The following ADGRL1 variants were observed in gnomAD, a reference collection of about 807,000 sequenced individuals.
ADGRL1 encodes adhesion G protein-coupled receptor L1, also known as CIRL-1.
Under a neutral mutation model 148.9 loss-of-function variants are expected in ADGRL1, and 31 were observed. That is an observed-to-expected ratio of 0.21 (90% CI 0.16 to 0.28). The LOEUF (loss-of-function observed/expected upper bound fraction) is 0.28, where lower values mean the gene tolerates loss of function less well. Ranked by LOEUF, ADGRL1 falls within the 10% of genes least tolerant of loss-of-function variation. The probability of loss-of-function intolerance (pLI) is 1.00; values close to 1 mark genes in which losing one functional copy is unlikely to be tolerated. For missense variants in ADGRL1, 1,521 were observed against 2,058.8 expected (o/e 0.74, Z 5.05); for synonymous variants, 937 against 900.3 (o/e 1.04, Z -0.73).
At chr19:14,197,805 C>T (rs1972357039) in intron 1 of ADGRL1, among the ~76,000 whole-genome samples, 1 of 152,148 alleles carries the variant, frequency 6.6e-6, no homozygotes, top group African/African-American at 2.4e-5. Flanking sequence ...ATACCCAACC[C>T]TGGGCAAGGA....
At chr19:14,202,801 G>C (rs1972701623) in intron 1 of ADGRL1, among the ~76,000 whole-genome samples, 1 of 152,058 alleles carries the variant, frequency 6.6e-6, no homozygotes, top group South Asian at 2.1e-4. Flanking sequence ...TTGCAGCCCT[G>C]CCTCCCCCAG....
rs377610821 is a variant in ADGRL1 at position 14,153,958 on chromosome 19, T to TA, written c.3295-1047dup. On this transcript the variant is annotated intron_variant, in intron 18 of 22. Transcript: ENST00000361434. Reference sequence around the variant, plus strand: ...TCTGTCTCAAAAATAATAATGATAATAAAAAAAAAACCTAAAAAAATAAAT... The same window carrying TA: ...TCTGTCTCAAAAATAATAATGATAATAAAAAAAAAAACCTAAAAAAATAAAT... 1.4e-3 allele frequency among the ~76,000 whole-genome samples: 202 copies of TA among 142,904 alleles called. 2 individuals carry two copies. The highest frequency in any genetic ancestry group is 4.3e-3 in the African/African-American group (165 of 38,726). The allele number at this position is 142,904 out of a possible 152,430, so 93.8% of individuals were successfully genotyped here. A position where few individuals can be genotyped will look rare whatever the true frequency, so the allele number is the denominator to read the frequency against.
rs1359702069 is a variant in ADGRL1 at position 14,159,998 on chromosome 19, G to A, written c.1800+114C>T. The A allele has an allele frequency of 8.4e-7, 1 of 1,194,242 alleles. No homozygotes were observed. Among genetic ancestry groups the A allele is most frequent in the Non-Finnish European group, 1.2e-6 (1 of 861,524 alleles). 74.0% of individuals were successfully genotyped at this position (1,194,242 alleles called of 1,614,324 possible). A position where few individuals can be genotyped will look rare whatever the true frequency, so the allele number is the denominator to read the frequency against. ...GGAGAGGGGGGGGTCCTTCCTCTCT[G>A]AGGAAAGGAGTGGAGGTGGCAGCCT... On this transcript the variant is annotated intron_variant, in intron 8 of 22. Transcript: ENST00000361434. This position sits in a 1 kb window ranked among gnomAD's most constrained non-coding sequence, Gnocchi z 6.0.
chr19:14,158,171 G>A (rs111826801), intron 12 of ADGRL1, 119 bp from the exon 13 acceptor site: 4 of 1,267,970 alleles, frequency 3.2e-6, no homozygotes, highest in African/African-American at 1.5e-5. Flanking sequence ...CTGGGGTCTG[G>A]GGCTCCAGTT....
chr19:14,182,534 C>A (rs1971269964), intron 2 of ADGRL1, among the ~76,000 whole-genome samples: 2 of 152,314 alleles, frequency 1.3e-5, no homozygotes, highest in South Asian at 4.1e-4. Context: ...AGGGGTATGG[C>A]AGGGAGGCCC....
intron 18 of ADGRL1, among the ~76,000 whole-genome samples, chr19:14,154,912 C>T (rs1363675509): frequency 3.3e-5 from 5 of 152,142 alleles, no homozygotes; most frequent in Non-Finnish European, 5.9e-5. Flanking sequence ...CCACCGTGTC[C>T]GGACTGTATG....
At position 14,149,481 on chromosome 19, in the gene ADGRL1, G is replaced by C. The variant is rs534599323; in HGVS notation, c.*1392C>G. On this transcript the variant is annotated 3_prime_UTR_variant, in exon 23 of 23. Coordinates refer to ENST00000361434, the MANE Select transcript of ADGRL1 (RefSeq NM_014921.5). ...GGAAATCAGCCCCATCTTCCCCGGC[G>C]AGAGTCCCCAGAGCAATATACAAGA... The C allele has an allele frequency of 6.5e-6, 1 of 153,104 alleles. No individual in the cohort carries two copies. The highest frequency in any genetic ancestry group is 2.1e-4 in the South Asian group (1 of 4,844). 9.5% of individuals were successfully genotyped at this position (153,104 alleles called of 1,614,324 possible). A position where few individuals can be genotyped will look rare whatever the true frequency, so the allele number is the denominator to read the frequency against.
At chr19:14,191,573 G>A in intron 1 of ADGRL1, 1 of 405,758 alleles carries the variant, frequency 2.5e-6, no homozygotes, top group Non-Finnish European at 5.0e-6. Context: ...AGGCCAGAAG[G>A]CCAAGATCAA....
At chr19:14,154,208 A>G (rs1000447463) in intron 18 of ADGRL1, among the ~76,000 whole-genome samples, 2 of 152,072 alleles carry the variant, frequency 1.3e-5, no homozygotes, top group Non-Finnish European at 2.9e-5. Flanking sequence ...GGCCAGGACA[A>G]TGTTGGACAG....
At position 14,162,138 on chromosome 19, in the gene ADGRL1, G is replaced by C. The variant is rs1282139395; in HGVS notation, c.1195+468C>G. Among the ~76,000 whole-genome samples, 1 of 152,210 alleles carries C rather than the reference G, an allele frequency of 6.6e-6. No homozygotes were observed. Among genetic ancestry groups the C allele is most frequent in the Non-Finnish European group, 1.5e-5 (1 of 68,030 alleles). ...CTCCCTGGAGCCCTGGGGTGGCACA[G>C]AGCTAGCAGGGCAGCTAGGCGGGGC... On this transcript the variant is annotated intron_variant, in intron 5 of 22. Coordinates refer to ENST00000361434, the MANE Select transcript of ADGRL1 (RefSeq NM_014921.5). This position sits in a 1 kb window ranked among gnomAD's most constrained non-coding sequence, Gnocchi z 5.4.
At chr19:14,176,376 A>C (rs1021777979) in intron 3 of ADGRL1, among the ~76,000 whole-genome samples, 1 of 152,084 alleles carries the variant, frequency 6.6e-6, no homozygotes, top group Non-Finnish European at 1.5e-5. Context: ...AAATAAAATA[A>C]AACAAATACA....
At chr19:14,174,442 C>T (rs1482159923) in intron 3 of ADGRL1, among the ~76,000 whole-genome samples, 1 of 152,006 alleles carries the variant, frequency 6.6e-6, no homozygotes, top group Admixed American at 6.6e-5. Context: ...CCCAGCCCAG[C>T]TATCTCAGCC....
At chr19:14,186,310 A>G (rs1448688744) in intron 1 of ADGRL1, among the ~76,000 whole-genome samples, 2 of 152,190 alleles carry the variant, frequency 1.3e-5, no homozygotes, top group Non-Finnish European at 2.9e-5. Context: ...CTCCTGCCTC[A>G]ACATCCCAAA....
In ADGRL1 at chr19:14,157,532, C is replaced by A; in HGVS notation, c.2536-72G>T. ...GCTGGGCTCAGCCAGGTGCCAGCCA[C>A]AGACAGGGCCCTGGGCAAGGCCATG... On this transcript the variant is annotated intron_variant, in intron 13 of 22. Transcript: ENST00000361434. This position sits in a 1 kb window ranked among gnomAD's most constrained non-coding sequence, Gnocchi z 7.5. 6.7e-7 allele frequency: 1 copy of A among 1,485,536 alleles called. No individual in the cohort carries two copies. 92.0% of individuals were successfully genotyped at this position (1,485,536 alleles called of 1,614,324 possible). A position where few individuals can be genotyped will look rare whatever the true frequency, so the allele number is the denominator to read the frequency against.
At position 14,152,917 on chromosome 19, in the gene ADGRL1, G is replaced by C. The variant is rs1309228366; in HGVS notation, c.3295-5C>G. ...CTTGCTGTACTCCTTGTGCACCTGG[G>C]AGGTGGAGGACAGTCAGCTGGCTGG... On this transcript the variant is annotated splice_polypyrimidine_tract_variant and splice_region_variant and intron_variant, in intron 18 of 22. Coordinates refer to ENST00000361434, the MANE Select transcript of ADGRL1 (RefSeq NM_014921.5). The surrounding 1 kb of genome is among the most constrained non-coding windows in gnomAD (Gnocchi z 6.1). The C allele has an allele frequency of 2.4e-5, 38 of 1,613,624 alleles. No homozygotes were observed. The highest frequency in any genetic ancestry group is 2.9e-5 in the Non-Finnish European group (34 of 1,179,860).
At position 14,183,631 on chromosome 19, in the gene ADGRL1, C is replaced by T; in HGVS notation, c.-29G>A. ...GGCAGCCGGGTGCGTGTCCGGAGCT[C>T]TCAGTGGCCTGTGCGGGGGGCTTTG... is the stretch of plus-strand genomic sequence containing the variant. On this transcript the variant is annotated 5_prime_UTR_variant, in exon 2 of 23. Transcript: ENST00000361434. 1 of 1,551,202 alleles carries T rather than the reference C, an allele frequency of 6.4e-7. No homozygotes were observed. The highest frequency in any genetic ancestry group is 8.7e-7 in the Non-Finnish European group (1 of 1,145,320).
In ADGRL1 at chr19:14,173,229, G is replaced by C. The variant is rs1407274343; in HGVS notation, c.285-2438C>G. On this transcript the variant is annotated intron_variant, in intron 3 of 22. Coordinates refer to ENST00000361434, the MANE Select transcript of ADGRL1 (RefSeq NM_014921.5). ...ACCCGTCTCGACCTCCCAAAGTGCTGGGATTACAATCATGAGCCATCACAC... is the reference window on the plus strand; with the variant it reads ...ACCCGTCTCGACCTCCCAAAGTGCTCGGATTACAATCATGAGCCATCACAC... Among the ~76,000 whole-genome samples, 7 of 152,224 alleles carry C rather than the reference G, an allele frequency of 4.6e-5. No homozygotes were observed. In the East Asian group the frequency reaches 1.4e-3, roughly 29 times the overall value.
In ADGRL1 at chr19:14,151,414, C is replaced by T; in HGVS notation, c.3869G>A (p.Gly1290Glu). ...AGGGCCCTTGGCCGCGCTGCTGCTC[C>T]CCCGCAGGTTGTTGTGCACCAGCTC... ...ISELVHNNLR[G>E]SSSAAKGPPP... The change falls in exon 23 of 23, where the codon GGG becomes GAG. Residue 1290 changes from glycine to glutamate, a missense_variant. This residue lies in a region of ADGRL1 where 390 missense variants were observed against 375.0 expected (regional missense o/e 1.04). Coordinates refer to ENST00000361434, the MANE Select transcript of ADGRL1 (RefSeq NM_014921.5). The T allele has an allele frequency of 2.5e-6, 4 of 1,612,134 alleles. No individual in the cohort carries two copies. Among genetic ancestry groups the T allele is most frequent in the Non-Finnish European group, 3.4e-6 (4 of 1,179,544 alleles).
Position 14,157,419 on chromosome 19 carries a change from G to C in ADGRL1, c.2577C>G (p.Thr859=), listed in dbSNP as rs1968878885. The change falls in exon 14 of 23, where the codon ACC becomes ACG. Residue 859 remains threonine, a synonymous_variant. Transcript: ENST00000361434. The surrounding 1 kb of genome is among the most constrained non-coding windows in gnomAD (Gnocchi z 7.5). ...CCAGGGAGATCACAATGCCCACCCAGGTGATGACCGACAGCAGCAGCTCGT... is the reference window on the plus strand; with the variant it reads ...CCAGGGAGATCACAATGCCCACCCACGTGATGACCGACAGCAGCAGCTCGT... The part of the protein sequence containing the change: ...RINELLLSVI[T]WVGIVISLVC... 6.2e-7 allele frequency: 1 copy of C among 1,614,032 alleles called. No individual in the cohort carries two copies. Among genetic ancestry groups the C allele is most frequent in the Non-Finnish European group, 8.5e-7 (1 of 1,180,040 alleles).
Sources: gnomAD v4.1 joint callset for allele counts (sites outside exome capture counted in the v4.1 genomes callset) on GRCh38, gnomAD v4.1.1 for gene constraint, gnomAD v4.1.1 regional missense constraint, Gnocchi (gnomAD v3.1) non-coding constraint, MANE v1.5 for transcripts, NCBI Gene and HGNC (gene_info 2026-07-23, HGNC 2026-07-21) for gene names.